LRRC7: variants seen among roughly 807,000 people sequenced by gnomAD.
The protein encoded by LRRC7 is leucine-rich repeat-containing protein 7.
In LRRC7, 23 loss-of-function variants were observed where a neutral mutation model predicts 175.7. The observed-to-expected ratio is 0.13, with a 90% CI of 0.09 to 0.19. The LOEUF is 0.19. Among genes scored for constraint, LRRC7 ranks in the 10% least tolerant of loss-of-function variants. The probability of loss-of-function intolerance (pLI) is 1.00; values close to 1 mark genes in which losing one functional copy is unlikely to be tolerated. For synonymous variants in LRRC7, 685 were observed against 680.9 expected, an observed-to-expected ratio of 1.01 and a Z score of -0.09; for missense variants, 1,354 against 1,904.7, an observed-to-expected ratio of 0.71 and a Z score of 5.38.
At chr1:70,034,737 G>A (rs1489979926) in intron 18 of LRRC7, among the ~76,000 whole-genome samples, 17 of 152,118 alleles carry the variant, frequency 1.1e-4, no homozygotes, top group East Asian at 1.9e-4. Flanking sequence ...CTCAGAACCC[G>A]CCTCTAGAAA....
At chr1:70,032,166 C>T (rs866159838) in intron 18 of LRRC7, among the ~76,000 whole-genome samples, 74 of 152,300 alleles carry the variant, frequency 4.9e-4, no homozygotes, top group African/African-American at 3.8e-4. Context: ...TAGCCATTTG[C>T]ACAGTGTCTG....
At chr1:69,885,031 A>C (rs1031336467) in intron 7 of LRRC7, among the ~76,000 whole-genome samples, 2 of 142,888 alleles carry the variant, frequency 1.4e-5, no homozygotes, top group Non-Finnish European at 3.0e-5. Context: ...TATTTTATTG[A>C]GGATTTTTGC....
intron 1 of LRRC7, among the ~76,000 whole-genome samples, chr1:69,593,609 C>G (rs1231625799): frequency 6.6e-6 from 1 of 152,064 alleles, no homozygotes; most frequent in Admixed American, 6.6e-5. Flanking sequence ...TTTTGTAACA[C>G]CAAATTGCAA....
intron 1 of LRRC7, among the ~76,000 whole-genome samples, chr1:69,624,550 G>C (rs1442981620): frequency 1.3e-5 from 2 of 151,654 alleles, no homozygotes; most frequent in Non-Finnish European, 2.9e-5. Flanking sequence ...AGTGGGGTAG[G>C]CTTTTTGTAT....
chr1:69,665,706 T>C (rs1367339291), intron 1 of LRRC7, among the ~76,000 whole-genome samples: 1 of 152,106 alleles, frequency 6.6e-6, no homozygotes, highest in Non-Finnish European at 1.5e-5. Context: ...TGTTTATAAG[T>C]TCTAATAGTT....
At chr1:69,611,245 T>G (rs940670377) in intron 1 of LRRC7, among the ~76,000 whole-genome samples, 90 of 152,104 alleles carry the variant, frequency 5.9e-4, no homozygotes, top group African/African-American at 2.1e-3. Flanking sequence ...ATATTAAACC[T>G]TTGTTTTCCT....
In LRRC7 at chr1:70,028,274, G is replaced by A. The variant is rs375559029; in HGVS notation, c.1898G>A (p.Arg633His). 1.8e-5 allele frequency: 29 copies of A among 1,613,668 alleles called. No individual in the cohort carries two copies. Among genetic ancestry groups the A allele is most frequent in the Middle Eastern group, 1.6e-4 (1 of 6,080 alleles). Residue 633 changes from arginine to histidine, a missense_variant, in exon 18 of 27, where the codon CGT becomes CAT. Physicochemically the swap from Arg to His is conservative, Grantham distance 29. Transcript: ENST00000651989. Reference sequence around the variant, plus strand: ...GTGGGTAAGCCAAGCCATGGAGTGCGTGTTGAGAATTCAAATCCAACTGCT... The same window carrying A: ...GTGGGTAAGCCAAGCCATGGAGTGCATGTTGAGAATTCAAATCCAACTGCT... Reference protein sequence around the residue: ...NLVGKPSHGVRVENSNPTANT... With the variant: ...NLVGKPSHGVHVENSNPTANT...
At chr1:69,857,297 C>A (rs1683771036) in intron 7 of LRRC7, among the ~76,000 whole-genome samples, 1 of 151,870 alleles carries the variant, frequency 6.6e-6, no homozygotes, top group South Asian at 2.1e-4. Flanking sequence ...TAAAGGGTAT[C>A]CAATTAGGAA....
chr1:69,935,888 T>A (rs1647961867), intron 8 of LRRC7, among the ~76,000 whole-genome samples: 1 of 152,174 alleles, frequency 6.6e-6, no homozygotes, highest in African/African-American at 2.4e-5. Context: ...AGTCCTTCCC[T>A]CCTCAAAGCC....
At chr1:69,781,930 A>AAG (rs2101029095) in intron 3 of LRRC7, among the ~76,000 whole-genome samples, 1 of 149,170 alleles carries the variant, frequency 6.7e-6, no homozygotes, top group South Asian at 2.1e-4. Flanking sequence ...GAAAGAAAGA[A>AAG]AGAAAGAAAG....
At chr1:69,641,757 A>G (rs891534690) in intron 1 of LRRC7, among the ~76,000 whole-genome samples, 1 of 151,804 alleles carries the variant, frequency 6.6e-6, no homozygotes, top group Non-Finnish European at 1.5e-5. Context: ...ATTTTAAAAT[A>G]TATAATCATC....
At chr1:69,648,324 G>A (rs556745336) in intron 1 of LRRC7, among the ~76,000 whole-genome samples, 23 of 152,044 alleles carry the variant, frequency 1.5e-4, no homozygotes, top group Non-Finnish European at 3.4e-4. Context: ...ATGGTTCTGT[G>A]GGAGTCTATA....
Position 70,134,690 on chromosome 1 carries a change from C to G in LRRC7, c.*12803C>G, listed in dbSNP as rs1250956843. Among the ~76,000 whole-genome samples, 2 of 152,200 alleles carry G rather than the reference C, an allele frequency of 1.3e-5. No individual in the cohort carries two copies. The highest frequency in any genetic ancestry group is 1.5e-5 in the Non-Finnish European group (1 of 68,034). On this transcript the variant is annotated 3_prime_UTR_variant, in exon 27 of 27. Coordinates refer to ENST00000651989, the MANE Select transcript of LRRC7 (RefSeq NM_001370785.2). The stretch of plus-strand genomic sequence containing the variant: ...ACTAATACAGAATACTCTTTCTTAG[C>G]AAATTCAATTTAACCTTCTTTGGGG...
intron 1 of LRRC7, among the ~76,000 whole-genome samples, chr1:69,635,815 T>G (rs911105376): frequency 3.4e-5 from 5 of 148,992 alleles, no homozygotes; most frequent in African/African-American, 1.0e-4. Flanking sequence ...AAGATACACA[T>G]CACATTACTG....
At chr1:69,767,751 C>T (rs972174618) in intron 3 of LRRC7, among the ~76,000 whole-genome samples, 4 of 152,108 alleles carry the variant, frequency 2.6e-5, no homozygotes, top group East Asian at 1.9e-4. Context: ...CATGAGCCAC[C>T]GTGCCTAGCC....
chr1:69,729,572 T>A (rs1667339026), intron 2 of LRRC7, among the ~76,000 whole-genome samples: 1 of 152,198 alleles, frequency 6.6e-6, no homozygotes, highest in Non-Finnish European at 1.5e-5. Flanking sequence ...ATGTCTCACA[T>A]CTAGGTCAGG....
At chr1:69,720,804 G>A (rs866622391) in intron 2 of LRRC7, among the ~76,000 whole-genome samples, 8 of 151,424 alleles carry the variant, frequency 5.3e-5, no homozygotes, top group Non-Finnish European at 1.0e-4. Context: ...TGGTTTTATT[G>A]TTTAAATAAT....
At chr1:69,742,567 A>C (rs1019610149) in intron 2 of LRRC7, among the ~76,000 whole-genome samples, 1 of 151,888 alleles carries the variant, frequency 6.6e-6, no homozygotes. Context: ...ATGTATGTAA[A>C]TACTGTGAGA....
intron 1 of LRRC7, among the ~76,000 whole-genome samples, chr1:69,616,859 C>T (rs752873382): frequency 2.0e-4 from 30 of 152,110 alleles, no homozygotes; most frequent in Non-Finnish European, 3.5e-4. Flanking sequence ...TATAATAAAT[C>T]ACTTATTTAC....
Sources: gnomAD v4.1 joint callset for allele counts (sites outside exome capture counted in the v4.1 genomes callset) on GRCh38, gnomAD v4.1.1 for gene constraint, MANE v1.5 for transcripts, NCBI Gene and HGNC (gene_info 2026-07-23, HGNC 2026-07-21) for gene names.